The following SLC22A8 variants were observed in gnomAD, a reference collection of about 807,000 sequenced individuals.
SLC22A8 encodes organic anion transporter 3.
SLC22A8 carries 40 observed loss-of-function variants against 48.4 expected under a neutral mutation model. The observed-to-expected ratio is 0.83, with a 90% CI of 0.64 to 1.08. SLC22A8 has a LOEUF of 1.08. SLC22A8 is among the 50% of genes least tolerant of loss of function. SLC22A8 has a pLI of 0.00. For synonymous variants in SLC22A8, 268 were observed against 286.3 expected, an observed-to-expected ratio of 0.94 and a Z score of 0.65; for missense variants, 606 against 699.0, an observed-to-expected ratio of 0.87 and a Z score of 1.50.
chr11:62,995,540 A>G (rs2086405680), intron 7 of SLC22A8, 164 bp downstream of exon 7: 2 of 607,440 alleles, frequency 3.3e-6, no homozygotes, highest in Admixed American at 2.9e-5. Flanking sequence ...TGGGGCAGGA[A>G]TGCAGCAGAT....
rs1168903154 is a variant in SLC22A8 at position 62,999,806 on chromosome 11, C to T, written c.474G>A (p.Leu158=). Reference sequence around the variant, plus strand: ...CACCGGAGCCGCTGGCTGCCAGCAGCAGGTAGCTGCAGGTCAGGATGGGCC... The same window carrying T: ...CACCGGAGCCGCTGGCTGCCAGCAGTAGGTAGCTGCAGGTCAGGATGGGCC... ...GRRPILTCSY[L]LLAASGSGAA... is the part of the protein sequence containing the mutation. Residue 158 remains leucine (L), a synonymous_variant, in exon 4 of 11, where the codon CTG becomes CTA. Transcript: ENST00000336232. 1.3e-6 allele frequency: 2 copies of T among 1,599,700 alleles called. No homozygotes were observed. The highest frequency in any genetic ancestry group is 1.3e-5 in the African/African-American group (1 of 74,316).
intron 2 of SLC22A8, among the ~76,000 whole-genome samples, chr11:63,009,049 G>A (rs1238936264): frequency 6.6e-6 from 1 of 152,170 alleles, no homozygotes; most frequent in Non-Finnish European, 1.5e-5. Flanking sequence ...ATAGGGATCA[G>A]GCTGGCTTGA....
In SLC22A8 at chr11:62,999,691, A is replaced by G; in HGVS notation, c.589T>C (p.Leu197=). 1 of 1,566,896 alleles carries G rather than the reference A, an allele frequency of 6.4e-7. No individual in the cohort carries two copies. The highest frequency in any genetic ancestry group is 8.7e-7 in the Non-Finnish European group (1 of 1,155,546). Residue 197 remains leucine, a synonymous_variant, in exon 4 of 11, where the codon TTG becomes CTG. Coordinates refer to ENST00000336232, the MANE Select transcript of SLC22A8 (RefSeq NM_004254.4). ...TCCATGCCCCACTGCAGCTCACTCAAGATGACGGTGCTCAGGGTAATGCCT... is the reference window on the plus strand; with the variant it reads ...TCCATGCCCCACTGCAGCTCACTCAGGATGACGGTGCTCAGGGTAATGCCT... ...ISGITLSTVI[L]NVEWVPTRMR...
At chr11:63,005,752 G>T (rs1246507685) in intron 2 of SLC22A8, among the ~76,000 whole-genome samples, 2 of 152,162 alleles carry the variant, frequency 1.3e-5, no homozygotes, top group Non-Finnish European at 2.9e-5. Flanking sequence ...GAAGCTGGCA[G>T]AGGCAAGGAA....
chr11:63,010,868 A>C (rs1464720506), intron 2 of SLC22A8, among the ~76,000 whole-genome samples: 1 of 152,134 alleles, frequency 6.6e-6, no homozygotes, highest in Non-Finnish European at 1.5e-5. Context: ...GCCTTTCTAG[A>C]GGCTTCTCGA....
intron 4 of SLC22A8, 182 bp downstream of exon 4, chr11:62,999,506 C>G (rs998664151): frequency 2.0e-6 from 1 of 495,156 alleles, no homozygotes; most frequent in Non-Finnish European, 3.6e-6. Flanking sequence ...GTATTGACAG[C>G]TGCTATTACT....
chr11:63,011,990 CTTT>C (rs763880600), intron 2 of SLC22A8, among the ~76,000 whole-genome samples: 5 of 141,348 alleles, frequency 3.5e-5, no homozygotes, highest in African/African-American at 1.0e-4. Flanking sequence ...CTCTCTTTTT[CTTT>C]TTTTTTTTTT....
At chr11:62,994,459 A>T in intron 8 of SLC22A8, 83 bp downstream of exon 8, 3 of 1,015,970 alleles carry the variant, frequency 3.0e-6, no homozygotes, top group African/African-American at 1.6e-5. Context: ...ACAGTGACTT[A>T]GAGGCAGAGC....
chr11:62,999,471 G>C, intron 4 of SLC22A8: 2 of 475,174 alleles, frequency 4.2e-6, no homozygotes, highest in East Asian at 6.4e-5. Flanking sequence ...ACCTAGCAGA[G>C]TGTCAGGTCC....
chr11:63,000,622 C>T (rs2086481743), intron 3 of SLC22A8, 98 bp downstream of exon 3: 1 of 826,128 alleles, frequency 1.2e-6, no homozygotes, highest in Non-Finnish European at 2.0e-6. Flanking sequence ...CCACCCTCCC[C>T]CAGCTCTTTG....
chr11:62,994,135 G>A, intron 8 of SLC22A8: 1 of 558,010 alleles, frequency 1.8e-6, no homozygotes, highest in Non-Finnish European at 3.2e-6. Flanking sequence ...TTTTGGAAGG[G>A]TATAGGTGTT....
At chr11:63,000,642 G>T in intron 3 of SLC22A8, 78 bp downstream of exon 3, 2 of 1,043,422 alleles carry the variant, frequency 1.9e-6, no homozygotes, top group Non-Finnish European at 1.5e-6. Flanking sequence ...GCCTCTTTGC[G>T]GGTGCACGGG....
At chr11:63,008,520 A>G (rs2086581601) in intron 2 of SLC22A8, among the ~76,000 whole-genome samples, 1 of 152,126 alleles carries the variant, frequency 6.6e-6, no homozygotes, top group Non-Finnish European at 1.5e-5. Flanking sequence ...TTCTGGGGCC[A>G]ATTACTTAAC....
At chr11:63,011,764 C>T (rs1157401763) in intron 2 of SLC22A8, among the ~76,000 whole-genome samples, 4 of 152,178 alleles carry the variant, frequency 2.6e-5, no homozygotes, top group African/African-American at 4.8e-5. Flanking sequence ...GTCAGAGTGA[C>T]GAGCCTTCGA....
intron 2 of SLC22A8, among the ~76,000 whole-genome samples, chr11:63,002,537 C>T (rs559212018): frequency 7.2e-5 from 11 of 152,160 alleles, no homozygotes; most frequent in African/African-American, 2.2e-4. Flanking sequence ...TTCCCCAGCC[C>T]CTTCCCCCCG....
chr11:63,011,895 C>T (rs905908150), intron 2 of SLC22A8, among the ~76,000 whole-genome samples: 1 of 152,172 alleles, frequency 6.6e-6, no homozygotes, highest in Non-Finnish European at 1.5e-5. Context: ...TCTTGCTGTC[C>T]TCTCTAGCTC....
chr11:63,007,193 G>C (rs1256861735), intron 2 of SLC22A8, among the ~76,000 whole-genome samples: 2 of 152,184 alleles, frequency 1.3e-5, no homozygotes, highest in South Asian at 4.1e-4. Flanking sequence ...AGCCCAGAGA[G>C]GGAAGAAAGG....
At chr11:63,000,868 C>G in intron 2 of SLC22A8, 45 bp from the exon 3 acceptor site, 2 of 1,455,042 alleles carry the variant, frequency 1.4e-6, no homozygotes, top group Admixed American at 1.7e-5. Context: ...GTGTAGACAG[C>G]CTGCTCAGCC....
At chr11:63,014,446 G>A (rs2086651432) in intron 2 of SLC22A8, 180 bp downstream of exon 2, 1 of 526,758 alleles carries the variant, frequency 1.9e-6, no homozygotes, top group Non-Finnish European at 3.4e-6. Flanking sequence ...ACTCTGAGTG[G>A]GAAGAAGCCA....
Sources: gnomAD v4.1 joint callset for allele counts (sites outside exome capture counted in the v4.1 genomes callset) on GRCh38, gnomAD v4.1.1 for gene constraint, MANE v1.5 for transcripts, NCBI Gene and HGNC (gene_info 2026-07-23, HGNC 2026-07-21) for gene names.